Variants in RIT2 observed in about 807,000 individuals in gnomAD.
RIT2 encodes GTP-binding protein Rit2.
In RIT2, 24 loss-of-function variants were observed where a neutral mutation model predicts 23.7. The observed-to-expected ratio is 1.01, with a 90% CI of 0.73 to 1.43. The LOEUF (loss-of-function observed/expected upper bound fraction) is 1.43, where lower values mean the gene tolerates loss of function less well. Among genes scored for constraint, RIT2 ranks in the 40% most tolerant of loss-of-function variants. The pLI, the probability that RIT2 is intolerant of heterozygous loss-of-function variation, is 0.00. For missense variants in RIT2, 236 were observed against 266.9 expected (o/e 0.88, Z 0.81); for synonymous variants, 107 against 91.1 (o/e 1.17, Z -0.99).
At position 42,774,907 on chromosome 18, in the gene RIT2, A is replaced by T. The variant is rs541078660; in HGVS notation, c.427-31187T>A. 2.3e-4 allele frequency among the ~76,000 whole-genome samples: 35 copies of T among 152,310 alleles called. No homozygotes were observed. The South Asian group carries it at 2.9e-3, about 13-fold the overall frequency. On this transcript the variant is annotated intron_variant, in intron 4 of 4. Transcript: ENST00000326695. Reference sequence around the variant, plus strand: ...CTTCTAGTGACACTTTATACACAACAGTATGATTGCAGAGATTGAGACTTA... The same window carrying T: ...CTTCTAGTGACACTTTATACACAACTGTATGATTGCAGAGATTGAGACTTA...
chr18:42,913,462 T>A (rs1908824265), intron 4 of RIT2, among the ~76,000 whole-genome samples: 1 of 151,742 alleles, frequency 6.6e-6, no homozygotes, highest in Non-Finnish European at 1.5e-5. Flanking sequence ...AACCAAATAT[T>A]TCCAAGTCAC....
intron 3 of RIT2, among the ~76,000 whole-genome samples, chr18:42,969,539 A>G (rs1910313703): frequency 6.6e-6 from 1 of 152,098 alleles, no homozygotes; most frequent in Non-Finnish European, 1.5e-5. Context: ...GCTTGACTGC[A>G]GAGTTGGTTA....
intron 1 of RIT2, among the ~76,000 whole-genome samples, chr18:43,058,788 C>A (rs1018641332): frequency 2.9e-4 from 44 of 152,126 alleles, no homozygotes; most frequent in African/African-American, 1.0e-3. Flanking sequence ...ACTTGGGAGG[C>A]TGAGGTGGGA....
chr18:42,918,630 A>T (rs1247719872), intron 4 of RIT2, among the ~76,000 whole-genome samples: 1 of 152,116 alleles, frequency 6.6e-6, no homozygotes, highest in Non-Finnish European at 1.5e-5. Flanking sequence ...ACTGCATTAC[A>T]TTATATCCAA....
chr18:42,968,877 TGAG>T (rs969224990), intron 3 of RIT2, among the ~76,000 whole-genome samples: 2 of 152,128 alleles, frequency 1.3e-5, no homozygotes, highest in African/African-American at 4.8e-5. Flanking sequence ...TAGGCAGCAG[TGAG>T]GAGAAGTACA....
intron 4 of RIT2, chr18:42,920,823 T>C (rs1598715275): frequency 9.5e-7 from 1 of 1,056,864 alleles, no homozygotes; most frequent in African/African-American, 1.6e-5. Context: ...CACTAAACAA[T>C]AGCACCAGTG....
chr18:43,059,435 C>T (rs1015827119), intron 1 of RIT2, among the ~76,000 whole-genome samples: 1 of 152,090 alleles, frequency 6.6e-6, no homozygotes, highest in South Asian at 2.1e-4. Context: ...CAAGCTTGAG[C>T]GATATCAGGA....
chr18:43,073,270 C>T (rs763703008), intron 1 of RIT2, among the ~76,000 whole-genome samples: 4 of 152,248 alleles, frequency 2.6e-5, no homozygotes, highest in Non-Finnish European at 4.4e-5. Flanking sequence ...ACTTGTTTGC[C>T]GTTTATGTTG....
chr18:42,878,273 A>G (rs1311076769), intron 4 of RIT2, among the ~76,000 whole-genome samples: 1 of 151,628 alleles, frequency 6.6e-6, no homozygotes, highest in African/African-American at 2.4e-5. Context: ...GTTGATTAAC[A>G]TGTATTTTGT....
intron 4 of RIT2, among the ~76,000 whole-genome samples, chr18:42,770,570 A>G (rs550495599): frequency 6.6e-6 from 1 of 152,354 alleles, no homozygotes; most frequent in South Asian, 2.1e-4. Flanking sequence ...TTAAATATTT[A>G]CCAGATATGG....
At chr18:42,949,050 T>G (rs1909789570) in intron 3 of RIT2, 1 of 397,488 alleles carries the variant, frequency 2.5e-6, no homozygotes, top group Non-Finnish European at 4.4e-6. Context: ...GTCACACAGC[T>G]GGGGAGAAAT....
intron 2 of RIT2, among the ~76,000 whole-genome samples, chr18:43,027,138 T>A (rs1911751924): frequency 2.0e-5 from 3 of 151,798 alleles, no homozygotes; most frequent in Admixed American, 2.0e-4. Context: ...GCCTAAAGAG[T>A]CAAGGTATCC....
At chr18:42,945,846 A>C (rs1475637900) in intron 3 of RIT2, among the ~76,000 whole-genome samples, 2 of 152,130 alleles carry the variant, frequency 1.3e-5, no homozygotes, top group Non-Finnish European at 2.9e-5. Context: ...AACAAAAAAT[A>C]CTCAAAACAG....
chr18:42,915,700 T>C (rs953037160), intron 4 of RIT2, among the ~76,000 whole-genome samples: 1 of 152,052 alleles, frequency 6.6e-6, no homozygotes, highest in Admixed American at 6.6e-5. Context: ...TAGGTGTAGA[T>C]GTGCAACATA....
At chr18:42,760,724 C>T (rs968026442) in intron 4 of RIT2, among the ~76,000 whole-genome samples, 7 of 152,176 alleles carry the variant, frequency 4.6e-5, no homozygotes, top group African/African-American at 1.7e-4. Flanking sequence ...TAAAAAGAGA[C>T]ATGATTGATA....
chr18:42,760,693 T>A (rs1463921065), intron 4 of RIT2, among the ~76,000 whole-genome samples: 1 of 152,218 alleles, frequency 6.6e-6, no homozygotes, highest in Admixed American at 6.5e-5. Flanking sequence ...TAATACTCAA[T>A]GTCCTCATCT....
intron 4 of RIT2, among the ~76,000 whole-genome samples, chr18:42,853,554 A>G (rs1907110379): frequency 6.6e-6 from 1 of 152,214 alleles, no homozygotes; most frequent in Non-Finnish European, 1.5e-5. Context: ...TATACAGGTT[A>G]CAAGTATTGG....
intron 3 of RIT2, among the ~76,000 whole-genome samples, chr18:42,966,411 T>TGTAG (rs1555649509): frequency 6.6e-6 from 1 of 152,220 alleles, no homozygotes; most frequent in Non-Finnish European, 1.5e-5. Flanking sequence ...AGTCATTTTA[T>TGTAG]GTAGTACTCT....
chr18:42,972,253 T>C (rs1910379225), intron 3 of RIT2, among the ~76,000 whole-genome samples: 1 of 151,946 alleles, frequency 6.6e-6, no homozygotes, highest in South Asian at 2.1e-4. Flanking sequence ...TTCCATTGTA[T>C]ATATTCCCAG....
Sources: gnomAD v4.1 joint callset for allele counts (sites outside exome capture counted in the v4.1 genomes callset) on GRCh38, gnomAD v4.1.1 for gene constraint, MANE v1.5 for transcripts, NCBI Gene and HGNC (gene_info 2026-07-23, HGNC 2026-07-21) for gene names.